Variants in MYO5C observed in about 807,000 individuals in gnomAD.
MYO5C encodes myosin VC, also known as unconventional myosin-Vc.
In MYO5C, 194 loss-of-function variants were observed where a neutral mutation model predicts 235.7. That is an observed-to-expected ratio of 0.82 (90% CI 0.73 to 0.93). The LOEUF is 0.93. MYO5C is among the 40% of genes least tolerant of loss of function. MYO5C has a pLI of 0.00. For synonymous variants in MYO5C, 707 were observed against 754.8 expected, an observed-to-expected ratio of 0.94 and a Z score of 1.04; for missense variants, 2,038 against 2,127.2, an observed-to-expected ratio of 0.96 and a Z score of 0.82.
chr15:52,232,703 T>C lies in MYO5C; in HGVS notation c.2963-18A>G, dbSNP rs2035993320. On this transcript the variant is annotated intron_variant, in intron 23 of 40. Transcript: ENST00000261839. ...CATTTTTTCTGTAAAAAGAGAATGC[T>C]TTTTGAGATATGTCTGCCAAATCAA... 1.2e-6 allele frequency: 2 copies of C among 1,610,782 alleles called. No individual in the cohort carries two copies. Among genetic ancestry groups the C allele is most frequent in the East Asian group, 4.5e-5 (2 of 44,816 alleles).
chr15:52,204,810 C>T (rs1288990023), intron 38 of MYO5C, 55 bp downstream of exon 38: 12 of 1,584,004 alleles, frequency 7.6e-6, no homozygotes, highest in Non-Finnish European at 8.6e-6. Context: ...CCTCGGACTT[C>T]AAGAGCATCC....
intron 9 of MYO5C, among the ~76,000 whole-genome samples, chr15:52,263,898 G>C (rs970564534): frequency 1.3e-5 from 2 of 152,148 alleles, no homozygotes; most frequent in African/African-American, 4.8e-5. Context: ...GTTCACTGCT[G>C]TTTCCCCAGA....
At position 52,246,974 on chromosome 15, in the gene MYO5C, G is replaced by A. The variant is rs202230140; in HGVS notation, c.1922C>T (p.Ala641Val). The change falls in exon 16 of 41, where the codon GCG (alanine) becomes GTG (valine). Residue 641 changes from alanine to valine, a missense_variant. Transcript: ENST00000261839. ...SLYLLMETLN[A>V]TTPHYVRCIK... The stretch of plus-strand genomic sequence containing the variant: ...GCATCGAACGTAGTGGGGCGTCGTC[G>A]CATTGAGGGTCTCCATGAGCAAGTA... 8.1e-4 allele frequency: 1,311 copies of A among 1,613,942 alleles called. 6 individuals are homozygous for A. The African/African-American group carries it at 0.014, about 17-fold the overall frequency.
intron 4 of MYO5C, among the ~76,000 whole-genome samples, chr15:52,276,241 T>C (rs1348294589): frequency 6.6e-6 from 1 of 152,094 alleles, no homozygotes; most frequent in East Asian, 1.9e-4. Flanking sequence ...CATATAGTCA[T>C]CCTCACAGCT....
chr15:52,284,246 A>G (rs2037217567), intron 1 of MYO5C, among the ~76,000 whole-genome samples: 3 of 152,190 alleles, frequency 2.0e-5, no homozygotes, highest in Non-Finnish European at 4.4e-5. Flanking sequence ...CCATACAATG[A>G]AATACAACTT....
chr15:52,251,448 A>C lies in MYO5C; in HGVS notation c.1604T>G (p.Leu535Trp). Residue 535 changes from leucine (L) to tryptophan (W), a missense_variant, in exon 13 of 41, where the codon TTG (leucine) becomes TGG (tryptophan). Physicochemically the swap from Leu to Trp is moderately conservative, Grantham distance 61 (BLOSUM62 -2). Coordinates refer to ENST00000261839, the MANE Select transcript of MYO5C (RefSeq NM_018728.4). ...LYNNFVNRNPLFEKPRMSNTS... is the reference protein window; with the variant it reads ...LYNNFVNRNPWFEKPRMSNTS... ...GTTTGACATTCTAGGCTTTTCAAAC[A>C]AAGGGTTCCTGTTGACAAAATTATT... 6.2e-7 allele frequency: 1 copy of C among 1,606,440 alleles called. No individual in the cohort carries two copies. Among genetic ancestry groups the C allele is most frequent in the Non-Finnish European group, 8.5e-7 (1 of 1,175,804 alleles).
At chr15:52,275,520 T>C (rs200304938) in intron 5 of MYO5C, 42 bp downstream of exon 5, 15 of 1,610,846 alleles carry the variant, frequency 9.3e-6, no homozygotes, top group Non-Finnish European at 1.2e-5. Context: ...CAACCCCCAT[T>C]TCCATCACCA....
At chr15:52,273,927 C>T (rs563035293) in intron 5 of MYO5C, among the ~76,000 whole-genome samples, 1 of 152,110 alleles carries the variant, frequency 6.6e-6, no homozygotes, top group Non-Finnish European at 1.5e-5. Flanking sequence ...ATTCCAATCC[C>T]TACTCCTTAC....
At chr15:52,205,768 G>A (rs755944843) in intron 37 of MYO5C, 48 bp downstream of exon 37, 41 of 1,241,908 alleles carry the variant, frequency 3.3e-5, no homozygotes, top group Non-Finnish European at 4.5e-5. Context: ...GTTTTAAAAA[G>A]TCTTAATGTT....
chr15:52,290,393 A>AT (rs1273247865), intron 1 of MYO5C, among the ~76,000 whole-genome samples: 1 of 152,108 alleles, frequency 6.6e-6, no homozygotes, highest in Non-Finnish European at 1.5e-5. Flanking sequence ...AATTAGCCAA[A>AT]TTAAAAAAAA....
intron 32 of MYO5C, among the ~76,000 whole-genome samples, chr15:52,216,632 C>T (rs2035560073): frequency 6.6e-6 from 1 of 150,840 alleles, no homozygotes; most frequent in Non-Finnish European, 1.5e-5. Flanking sequence ...AATTCAGTGA[C>T]AAAAGAGTCT....
chr15:52,271,101 T>C (rs1171480946), intron 7 of MYO5C, among the ~76,000 whole-genome samples: 1 of 152,150 alleles, frequency 6.6e-6, no homozygotes, highest in Non-Finnish European at 1.5e-5. Context: ...ATACAGGTGG[T>C]TTGTTTTAAT....
At chr15:52,230,295 C>T (rs1566970833) in intron 24 of MYO5C, among the ~76,000 whole-genome samples, 1 of 152,242 alleles carries the variant, frequency 6.6e-6, no homozygotes, top group African/African-American at 2.4e-5. Flanking sequence ...ATGATTCTAC[C>T]TGCTGAGCTG....
chr15:52,227,424 C>T (rs1253800424), intron 25 of MYO5C, among the ~76,000 whole-genome samples: 4 of 150,878 alleles, frequency 2.7e-5, no homozygotes, highest in East Asian at 2.0e-4. Context: ...GTCTTGATCT[C>T]CTGACCTCGT....
intron 29 of MYO5C, among the ~76,000 whole-genome samples, chr15:52,222,594 G>A (rs1039484773): frequency 6.6e-6 from 1 of 150,690 alleles, no homozygotes; most frequent in African/African-American, 2.5e-5. Flanking sequence ...TGCAGGCAGA[G>A]TCAGCCAGTG....
intron 28 of MYO5C, among the ~76,000 whole-genome samples, chr15:52,224,448 A>G (rs1411179631): frequency 1.3e-5 from 2 of 152,204 alleles, no homozygotes; most frequent in Non-Finnish European, 2.9e-5. Context: ...CAGTCATAGT[A>G]AACACATCAC....
intron 1 of MYO5C, among the ~76,000 whole-genome samples, chr15:52,287,976 CA>C (rs545444260): frequency 0.073 from 8,925 of 122,898 alleles, 483 homozygotes; most frequent in African/African-American, 0.17. Context: ...AACTCCGTCT[CA>C]AAAAAAAAAA....
In MYO5C at chr15:52,264,265, A is replaced by G; in HGVS notation, c.972T>C (p.Phe324=). ...GATGTAGGATGGCTGCCAGGATTTT[A>G]AAAACGTCCATCTGAAAATCCTCCT... The part of the protein sequence containing the change: ...GFKEDFQMDV[F]KILAAILHLG... The change falls in exon 9 of 41, where the codon TTT becomes TTC. Residue 324 remains phenylalanine (F), a synonymous_variant. Transcript: ENST00000261839. 1 of 1,613,960 alleles carries G rather than the reference A, an allele frequency of 6.2e-7. No individual in the cohort carries two copies. Among genetic ancestry groups the G allele is most frequent in the East Asian group, 2.2e-5 (1 of 44,888 alleles).
At chr15:52,258,721 G>T (rs1457635347) in intron 10 of MYO5C, among the ~76,000 whole-genome samples, 1 of 152,196 alleles carries the variant, frequency 6.6e-6, no homozygotes, top group African/African-American at 2.4e-5. Context: ...TTTTTTGGAG[G>T]CGTATCATGA....
Sources: allele counts gnomAD v4.1 joint callset (sites outside exome capture counted in the v4.1 genomes callset), GRCh38; gene constraint gnomAD v4.1.1; transcripts MANE v1.5; gene names NCBI Gene and HGNC (gene_info 2026-07-23, HGNC 2026-07-21).